Variants in CEACAM4 observed in about 807,000 individuals in gnomAD.
CEACAM4 encodes cell adhesion molecule CEACAM4.
Under a neutral mutation model 28.7 loss-of-function variants are expected in CEACAM4, and 30 were observed. That is an observed-to-expected ratio of 1.05 (90% CI 0.78 to 1.42). CEACAM4 has a LOEUF of 1.42. CEACAM4 is among the 40% of genes most tolerant of loss of function. CEACAM4 has a pLI of 0.00. For missense variants in CEACAM4, 330 were observed against 308.2 expected (o/e 1.07, Z -0.53); for synonymous variants, 143 against 126.5 (o/e 1.13, Z -0.87).
At chr19:41,615,205 G>A (rs955097453), downstream of CEACAM4, among the ~76,000 whole-genome samples, 19 of 152,082 alleles carry the variant, frequency 1.2e-4, no homozygotes, top group African/African-American at 4.3e-4. Context: ...GAGGAGGAGT[G>A]GGGCCGCAAG....
At chr19:41,616,554 C>G (rs1394875239), downstream of CEACAM4, among the ~76,000 whole-genome samples, 1 of 151,778 alleles carries the variant, frequency 6.6e-6, no homozygotes, top group Non-Finnish European at 1.5e-5. Context: ...GATATTCAGA[C>G]AGATCTTCAG....
intron 2 of CEACAM4, among the ~76,000 whole-genome samples, chr19:41,623,962 C>A (rs2071477888): frequency 1.3e-5 from 2 of 152,180 alleles, no homozygotes; most frequent in South Asian, 2.1e-4. Flanking sequence ...GCCCTGCAGC[C>A]CCAGGGTCAG....
chr19:41,625,719 G>T lies in CEACAM4; in HGVS notation c.306C>A (p.Tyr102Ter). Residue 102 changes from tyrosine (Y) to a stop codon, truncating the protein, a stop_gained, in exon 2 of 7, where the codon TAC becomes TAA. Coordinates refer to ENST00000221954, the MANE Select transcript of CEACAM4 (RefSeq NM_001817.4). LOFTEE classifies it high-confidence loss of function. The stretch of plus-strand genomic sequence containing the variant: ...TTTGGAACAGCAGGGATCCATTGGG[G>T]TATACTGTCTCTCGACCACTGTATG... The part of the protein sequence containing the change: ...GAAYSGRETV[Y>*]PNGSLLFQNI... 2 of 1,614,024 alleles carry T rather than the reference G, an allele frequency of 1.2e-6. No homozygotes were observed. Among genetic ancestry groups the T allele is most frequent in the South Asian group, 1.1e-5 (1 of 91,076 alleles).
chr19:41,626,064 GTGTGTGTGTGT>G, intron 1 of CEACAM4, 104 bp from the exon 2 acceptor site: 1 of 2,948 alleles, frequency 3.4e-4, no homozygotes, highest in Non-Finnish European at 7.6e-4. Context: ...CAGCCTTGGA[GTGTGTGTGTGT>G]GTGTGTGTGT....
At chr19:41,617,048 C>T (rs1005961205), downstream of CEACAM4, among the ~76,000 whole-genome samples, 2 of 152,168 alleles carry the variant, frequency 1.3e-5, no homozygotes, top group African/African-American at 4.8e-5. Context: ...CTTCCTCTTT[C>T]TTACACTCTT....
At chr19:41,621,517 G>A in intron 3 of CEACAM4, 134 bp downstream of exon 3, 2 of 572,344 alleles carry the variant, frequency 3.5e-6, no homozygotes, top group Non-Finnish European at 6.4e-6. Flanking sequence ...GGCAAGGGAG[G>A]AGCCATGGAA....
chr19:41,616,487 TGATAGATAGATAGATAGATAGATAGATA>T (rs35437530), downstream of CEACAM4, among the ~76,000 whole-genome samples: 42 of 146,570 alleles, frequency 2.9e-4, no homozygotes, highest in Non-Finnish European at 3.9e-4. Flanking sequence ...TATAGATAGA[TGATAGATAGATAGATAGATAGATAGATA>T]GATAGATAGA....
rs1555800975 is a variant in CEACAM4, at chr19:41,620,636, G to T, written c.543-9C>A. 6.2e-7 allele frequency: 1 copy of T among 1,612,158 alleles called. No homozygotes were observed. The highest frequency in any genetic ancestry group is 8.5e-7 in the Non-Finnish European group (1 of 1,178,664). Reference sequence around the variant, plus strand: ...CACGCTGGATGCTGGCCCTAGGAAAGGTCAGGATTATTCATGAGGGTGCAG... The same window carrying T: ...CACGCTGGATGCTGGCCCTAGGAAATGTCAGGATTATTCATGAGGGTGCAG... On this transcript the variant is annotated splice_polypyrimidine_tract_variant and intron_variant, in intron 3 of 6. Coordinates refer to ENST00000221954, the MANE Select transcript of CEACAM4 (RefSeq NM_001817.4).
the CEACAM4 span, among the ~76,000 whole-genome samples, chr19:41,613,918 C>T: frequency 2.0e-5 from 3 of 152,212 alleles, no homozygotes. Flanking sequence ...AAACGGATGC[C>T]AAGGCATTGT....
At position 41,627,052 on chromosome 19, in the gene CEACAM4, G is replaced by T; in HGVS notation, c.-89C>A. 2 of 1,154,774 alleles carry T rather than the reference G, an allele frequency of 1.7e-6. No individual in the cohort carries two copies. Among genetic ancestry groups the T allele is most frequent in the Non-Finnish European group, 1.2e-6 (1 of 818,182 alleles). 71.5% of individuals were successfully genotyped at this position (1,154,774 alleles called of 1,614,324 possible). On this transcript the variant is annotated 5_prime_UTR_variant, in exon 1 of 7. Coordinates refer to ENST00000221954, the MANE Select transcript of CEACAM4 (RefSeq NM_001817.4). ...GCTGCTGTGACTGTCGGCTGTCGGG[G>T]CTGCTGACCTTCCTCCTTCTGTGCT...
intron 2 of CEACAM4, among the ~76,000 whole-genome samples, chr19:41,624,204 C>G (rs1555802883): frequency 6.6e-6 from 1 of 152,144 alleles, no homozygotes; most frequent in Non-Finnish European, 1.5e-5. Context: ...CTCCTAGGAT[C>G]TTGTATCCAG....
downstream of CEACAM4, among the ~76,000 whole-genome samples, chr19:41,615,623 C>T (rs555959543): frequency 7.9e-5 from 12 of 152,116 alleles, no homozygotes; most frequent in Non-Finnish European, 1.2e-4. Context: ...AAGACAAAGC[C>T]TCAATCCTAC....
At chr19:41,620,159 C>A in intron 5 of CEACAM4, 52 bp downstream of exon 5, 1 of 1,457,092 alleles carries the variant, frequency 6.9e-7, no homozygotes, top group South Asian at 1.3e-5. Flanking sequence ...CTGCCCTGAG[C>A]CTGCACTGTT....
chr19:41,620,518 G>C (rs3745931), intron 4 of CEACAM4, 57 bp downstream of exon 4: 135,605 of 1,450,090 alleles, frequency 0.094, 9,800 homozygotes, highest in East Asian at 0.4. Flanking sequence ...ACTGGCAGGA[G>C]TGGACACCGT....
chr19:41,626,446 T>C (rs1555804229), intron 1 of CEACAM4, among the ~76,000 whole-genome samples: 1 of 152,140 alleles, frequency 6.6e-6, no homozygotes, highest in African/African-American at 2.4e-5. Flanking sequence ...GTGATCTTGG[T>C]TGCACCCCAG....
rs782356013 is a variant in CEACAM4 at position 41,625,957 on chromosome 19, G to T, written c.68C>A (p.Ser23Ter). 1.1e-5 allele frequency: 18 copies of T among 1,605,924 alleles called. No individual in the cohort carries two copies. In the East Asian group the frequency reaches 4.0e-4, roughly 36 times the overall value. The change falls in exon 2 of 7, where the codon TCA becomes TAA. Residue 23 changes from serine (S) to a stop codon, truncating the protein, a stop_gained. Transcript: ENST00000221954. LOFTEE classifies it high-confidence loss of function. ...RPWQGLLITA[S>*]LLTFWHPPTT... ...GGGCGGGTGCCAGAAGGTTAAAAGT[G>T]AGGCTAGGAGGTGAAGACAGCATCA...
At position 41,625,706 on chromosome 19, in the gene CEACAM4, G is replaced by A. The variant is rs782599133; in HGVS notation, c.319C>T (p.Leu107=). ...GRETVYPNGS[L]LFQNITLEDA... Reference sequence around the variant, plus strand: ...TCCAGGGTGATGTTTTGGAACAGCAGGGATCCATTGGGGTATACTGTCTCT... The same window carrying A: ...TCCAGGGTGATGTTTTGGAACAGCAAGGATCCATTGGGGTATACTGTCTCT... Residue 107 remains leucine, a synonymous_variant, in exon 2 of 7, where the codon CTG becomes TTG. Transcript: ENST00000221954. 4 of 1,613,908 alleles carry A rather than the reference G, an allele frequency of 2.5e-6. No homozygotes were observed. In the African/African-American group the frequency reaches 5.3e-5, roughly 22 times the overall value.
At chr19:41,616,528 GATA>G (rs2070986489), downstream of CEACAM4, among the ~76,000 whole-genome samples, 5 of 150,566 alleles carry the variant, frequency 3.3e-5, no homozygotes, top group African/African-American at 1.2e-4. Context: ...TAGATAGATA[GATA>G]GATAGATAGA....
At chr19:41,623,916 C>G (rs782780839) in intron 2 of CEACAM4, among the ~76,000 whole-genome samples, 1 of 152,098 alleles carries the variant, frequency 6.6e-6, no homozygotes, top group Non-Finnish European at 1.5e-5. Context: ...TGGGACTACC[C>G]GCAAGCCTGA....
Sources: allele counts gnomAD v4.1 joint callset (sites outside exome capture counted in the v4.1 genomes callset), GRCh38; gene constraint gnomAD v4.1.1; transcripts MANE v1.5; gene names NCBI Gene and HGNC (gene_info 2026-07-23, HGNC 2026-07-21).